CLIC3: variants seen among roughly 807,000 people sequenced by gnomAD.
The protein encoded by CLIC3 is CLIC family member 3.
A neutral mutation model predicts 19.9 loss-of-function variants in CLIC3; 29 were observed. The observed-to-expected ratio is 1.46, with a 90% CI of 1.09 to 1.99. The LOEUF (loss-of-function observed/expected upper bound fraction) is 1.99. CLIC3 is among the 30% of genes most tolerant of loss of function. The probability of loss-of-function intolerance (pLI) is 0.00; values close to 1 mark genes in which losing one functional copy is unlikely to be tolerated. For missense variants in CLIC3, 365 were observed against 342.6 expected, an observed-to-expected ratio of 1.07 and a Z score of -0.52; for synonymous variants, 143 against 156.4, an observed-to-expected ratio of 0.91 and a Z score of 0.64.
At chr9:136,996,386 T>TA (rs1830704031) in intron 1 of CLIC3, 125 bp downstream of exon 1, 2 of 879,376 alleles carry the variant, frequency 2.3e-6, no homozygotes, top group Non-Finnish European at 3.6e-6. Flanking sequence ...TGAGTCCCCC[T>TA]AGCCACCCAC....
Position 136,994,654 on chromosome 9 carries a change from A to G in CLIC3, c.*27T>C. 2 of 1,594,350 alleles carry G rather than the reference A, an allele frequency of 1.3e-6. No individual in the cohort carries two copies. Among genetic ancestry groups the G allele is most frequent in the Non-Finnish European group, 1.7e-6 (2 of 1,170,360 alleles). On this transcript the variant is annotated 3_prime_UTR_variant, in exon 6 of 6. Transcript: ENST00000494426. The stretch of plus-strand genomic sequence containing the variant: ...CCTCACTCCCGACAAAGATGCCTTT[A>G]TTGGGCGACAGACGCGGGGTGGGGC...
chr9:136,994,897 T>TCCGCC, intron 5 of CLIC3, 33 bp downstream of exon 5: 1 of 1,471,236 alleles, frequency 6.8e-7, no homozygotes, highest in African/African-American at 1.5e-5. Context: ...CGCGCCGCGG[T>TCCGCC]CACCCTCCCG....
In CLIC3 at chr9:136,995,436, TCTCA is replaced by T. The variant is rs2131410510; in HGVS notation, c.269+2_269+5del. On this transcript the variant is annotated splice_donor_variant and splice_donor_5th_base_variant and intron_variant, in intron 3 of 5. Transcript: ENST00000494426. LOFTEE classifies it high-confidence loss of function. Reference sequence around the variant, plus strand: ...TTTTCCCCTCCCACCCTGCCGGGGCTCTCACTCGGGCGGCCCCAGCGTCTCCTCC... The same window carrying T: ...TTTTCCCCTCCCACCCTGCCGGGGCTCTCGGGCGGCCCCAGCGTCTCCTCC... 2 of 1,612,172 alleles carry T rather than the reference TCTCA, an allele frequency of 1.2e-6. No individual in the cohort carries two copies. Among genetic ancestry groups the T allele is most frequent in the South Asian group, 1.1e-5 (1 of 91,074 alleles).
chr9:136,995,377 T>C, intron 3 of CLIC3, 65 bp downstream of exon 3: 1 of 1,609,730 alleles, frequency 6.2e-7, no homozygotes, highest in South Asian at 1.1e-5. Context: ...CTTCCTGGGC[T>C]CTGTCTTGCG....
chr9:136,995,476 C>T lies in CLIC3; in HGVS notation c.235G>A (p.Glu79Lys). The change falls in exon 3 of 6, where the codon GAG becomes AAG. Residue 79 changes from glutamate (E) to lysine (K), a missense_variant. Physicochemically the swap from Glu to Lys is moderately conservative, Grantham distance 56. Coordinates refer to ENST00000494426, the MANE Select transcript of CLIC3 (RefSeq NM_004669.3). ...SDAKTDTLQI[E>K]DFLEETLGPP... ...CCCAGCGTCTCCTCCAGAAAGTCCT[C>T]GATCTGCAGCGTGTCTGTCTTGGCG... The T allele has an allele frequency of 1.9e-6, 3 of 1,612,624 alleles. No homozygotes were observed. The highest frequency in any genetic ancestry group is 2.5e-6 in the Non-Finnish European group (3 of 1,179,894).
In CLIC3 at chr9:136,994,726, G is replaced by A. The variant is rs367720170; in HGVS notation, c.666C>T (p.Ser222=). The A allele has an allele frequency of 5.0e-6, 8 of 1,609,786 alleles. No individual in the cohort carries two copies. The highest frequency in any genetic ancestry group is 3.3e-5 in the South Asian group (3 of 90,680). The part of the protein sequence containing the change: ...EKEFKYTCPH[S]AEILAAYRPA... ...GCCGGTAGGCCGCCAGGATCTCGGC[G>A]CTGTGCGGACACGTGTATTTGAACT... The change falls in exon 6 of 6, where the codon AGC becomes AGT. Residue 222 remains serine (S), a synonymous_variant. Coordinates refer to ENST00000494426, the MANE Select transcript of CLIC3 (RefSeq NM_004669.3).
chr9:136,995,480 C>G lies in CLIC3; in HGVS notation c.231G>C (p.Gln77His). Residue 77 changes from glutamine (Q) to histidine (H), a missense_variant, in exon 3 of 6, where the codon CAG becomes CAC. Coordinates refer to ENST00000494426, the MANE Select transcript of CLIC3 (RefSeq NM_004669.3). ...YDSDAKTDTLQIEDFLEETLG... is the reference protein window; with the variant it reads ...YDSDAKTDTLHIEDFLEETLG... ...GCGTCTCCTCCAGAAAGTCCTCGAT[C>G]TGCAGCGTGTCTGTCTTGGCGTCGC... is the stretch of plus-strand genomic sequence containing the variant. 12 of 1,612,666 alleles carry G rather than the reference C, an allele frequency of 7.4e-6. No individual in the cohort carries two copies. The highest frequency in any genetic ancestry group is 9.3e-6 in the Non-Finnish European group (11 of 1,179,900).
chr9:136,994,791 C>T lies in CLIC3; in HGVS notation c.601G>A (p.Gly201Ser), dbSNP rs773351792. 5.7e-6 allele frequency: 9 copies of T among 1,591,118 alleles called. No homozygotes were observed. The highest frequency in any genetic ancestry group is 1.1e-5 in the South Asian group (1 of 88,122). Residue 201 changes from glycine (G) to serine (S), a missense_variant, in exon 6 of 6, where the codon GGC becomes AGC. Coordinates refer to ENST00000494426, the MANE Select transcript of CLIC3 (RefSeq NM_004669.3). ...GCGCTGTCCAGGTAGCGGCGTACGCCGCGCAGCTCCGCGGGGATGGGCGCC... is the reference window on the plus strand; with the variant it reads ...GCGCTGTCCAGGTAGCGGCGTACGCTGCGCAGCTCCGCGGGGATGGGCGCC... Reference protein sequence around the residue: ...RQAPIPAELRGVRRYLDSAMQ... With the variant: ...RQAPIPAELRSVRRYLDSAMQ...
Position 136,995,059 on chromosome 9 carries a change from G to T in CLIC3, c.423C>A (p.Tyr141Ter). The change falls in exon 5 of 6, where the codon TAC (tyrosine) becomes TAA (stop). Residue 141 changes from tyrosine to a stop codon, truncating the protein, a stop_gained. Coordinates refer to ENST00000494426, the MANE Select transcript of CLIC3 (RefSeq NM_004669.3). LOFTEE classifies it high-confidence loss of function. ...LLRALARLDS[Y>*]LRAPLEHELA... ...GCTCGTGCTCCAGGGGCGCGCGCAGGTAGCTGTCCAGCCTGGCGAGGGCGC... is the reference window on the plus strand; with the variant it reads ...GCTCGTGCTCCAGGGGCGCGCGCAGTTAGCTGTCCAGCCTGGCGAGGGCGC... 6.6e-7 allele frequency: 1 copy of T among 1,516,066 alleles called. No individual in the cohort carries two copies. Among genetic ancestry groups the T allele is most frequent in the Non-Finnish European group, 8.8e-7 (1 of 1,132,876 alleles). The allele number at this position is 1,516,066 out of a possible 1,614,324, so 93.9% of individuals were successfully genotyped here.
In CLIC3 at chr9:136,995,303, AG is replaced by A; in HGVS notation, c.270-12del. The A allele has an allele frequency of 6.2e-7, 1 of 1,610,724 alleles. No individual in the cohort carries two copies. The highest frequency in any genetic ancestry group is 8.5e-7 in the Non-Finnish European group (1 of 1,178,362). Reference sequence around the variant, plus strand: ...GCCAGGCTGGGGAAGCTGCGGGATGAGGGGGTGGGACTCCATTAGACTGGGG... The same window carrying A: ...GCCAGGCTGGGGAAGCTGCGGGATGAGGGGTGGGACTCCATTAGACTGGGG... On this transcript the variant is annotated splice_polypyrimidine_tract_variant and intron_variant, in intron 3 of 5. Coordinates refer to ENST00000494426, the MANE Select transcript of CLIC3 (RefSeq NM_004669.3).
At chr9:136,994,897 T>TCTCC in intron 5 of CLIC3, 33 bp downstream of exon 5, 1 of 1,471,228 alleles carries the variant, frequency 6.8e-7, no homozygotes, top group Non-Finnish European at 8.9e-7. Context: ...CGCGCCGCGG[T>TCTCC]CACCCTCCCG....
rs765902448 is a variant in CLIC3, at chr9:136,996,502, G to C, written c.33+9C>G. 11 of 1,554,420 alleles carry C rather than the reference G, an allele frequency of 7.1e-6. No individual in the cohort carries two copies. The highest frequency in any genetic ancestry group is 9.6e-6 in the Non-Finnish European group (11 of 1,148,420). Reference sequence around the variant, plus strand: ...AGACACCCTCCCCGCAGCTGAGTCCGCCCTGCACCTTGACAAACAGCTGGA... The same window carrying C: ...AGACACCCTCCCCGCAGCTGAGTCCCCCCTGCACCTTGACAAACAGCTGGA... On this transcript the variant is annotated intron_variant, in intron 1 of 5. Transcript: ENST00000494426.
Position 136,996,549 on chromosome 9 carries a change from G to C in CLIC3, c.-6C>G. 6.4e-7 allele frequency: 1 copy of C among 1,553,434 alleles called. No homozygotes were observed. Among genetic ancestry groups the C allele is most frequent in the Non-Finnish European group, 8.7e-7 (1 of 1,148,060 alleles). On this transcript the variant is annotated 5_prime_UTR_variant, in exon 1 of 6. Transcript: ENST00000494426. ...TGGAGCTTGGTCTCCGCCATGGTGG[G>C]AGCTGCCGCGGTCAGGCGCGGGTGG...
chr9:136,995,340 C>T (rs1466437816), intron 3 of CLIC3, 48 bp from the exon 4 acceptor site: 1 of 1,608,902 alleles, frequency 6.2e-7, no homozygotes, highest in South Asian at 1.1e-5. Context: ...GCAGCCCCGT[C>T]CCGGCCCCAC....
rs773299490 is a variant in CLIC3 at position 136,996,568 on chromosome 9, C to A, written c.-25G>T. The A allele has an allele frequency of 9.0e-6, 14 of 1,551,376 alleles. No individual in the cohort carries two copies. The African/African-American group carries it at 1.8e-4, about 20-fold the overall frequency. On this transcript the variant is annotated 5_prime_UTR_variant, in exon 1 of 6. Transcript: ENST00000494426. ...TGGTGGGAGCTGCCGCGGTCAGGCG[C>A]GGGTGGGGACCTGGGGAGCTCTTTA... is the stretch of plus-strand genomic sequence containing the variant.
chr9:136,994,690 G>C lies in CLIC3; in HGVS notation c.702C>G (p.His234Gln), dbSNP rs1362872443. ...EILAAYRPAVHPR is the reference protein window; with the variant it reads ...EILAAYRPAVQPR ...GACGCGGGGTGGGGCGCTAGCGGGG[G>C]TGCACGGCGGGCCGGTAGGCCGCCA... Residue 234 changes from histidine to glutamine, a missense_variant, in exon 6 of 6, where the codon CAC (histidine) becomes CAG (glutamine). Transcript: ENST00000494426. 1 of 1,608,972 alleles carries C rather than the reference G, an allele frequency of 6.2e-7. No individual in the cohort carries two copies. The highest frequency in any genetic ancestry group is 1.3e-5 in the African/African-American group (1 of 74,824).
At position 136,995,206 on chromosome 9, in the gene CLIC3, G is replaced by A. The variant is rs1830683723; in HGVS notation, c.356C>T (p.Pro119Leu). 2 of 1,612,640 alleles carry A rather than the reference G, an allele frequency of 1.2e-6. No homozygotes were observed. Among genetic ancestry groups the A allele is most frequent in the Non-Finnish European group, 1.7e-6 (2 of 1,179,848 alleles). ...TTCACCTTCGTCCTGCGCGGGCACC[G>A]GGTTCTTGATGAACGCGGAGAACTT... is the stretch of plus-strand genomic sequence containing the variant. Reference protein sequence around the residue: ...FHKFSAFIKNPVPAQDEALYQ... With the variant: ...FHKFSAFIKNLVPAQDEALYQ... Residue 119 changes from proline to leucine, a missense_variant, in exon 4 of 6, where the codon CCG (proline) becomes CTG (leucine). Coordinates refer to ENST00000494426, the MANE Select transcript of CLIC3 (RefSeq NM_004669.3).
chr9:136,996,362 T>G, intron 1 of CLIC3, 149 bp downstream of exon 1: 1 of 711,376 alleles, frequency 1.4e-6, no homozygotes, highest in Non-Finnish European at 2.4e-6. Context: ...TTACTCAGCC[T>G]CTGTAGGGCT....
Position 136,994,995 on chromosome 9 carries a change from A to AGCG in CLIC3, c.484_486dup (p.Arg162dup). 6.6e-7 allele frequency: 1 copy of AGCG among 1,506,030 alleles called. No homozygotes were observed. The highest frequency in any genetic ancestry group is 1.4e-5 in the African/African-American group (1 of 69,852). 93.3% of individuals were successfully genotyped at this position (1,506,030 alleles called of 1,614,324 possible). On this transcript the variant is annotated inframe_insertion, in exon 5 of 6. Coordinates refer to ENST00000494426, the MANE Select transcript of CLIC3 (RefSeq NM_004669.3). Reference sequence around the variant, plus strand: ...AGCGTGAGCCTGTCGCCGTCCAGGAAGCGGCGGCGGGACTCGCGCAGCTGC... The same window carrying AGCG: ...AGCGTGAGCCTGTCGCCGTCCAGGAAGCGGCGGCGGCGGGACTCGCGCAGCTGC...
Sources: allele counts gnomAD v4.1 joint callset, GRCh38; gene constraint gnomAD v4.1.1; transcripts MANE v1.5; gene names NCBI Gene and HGNC (gene_info 2026-07-23, HGNC 2026-07-21).